Variants in SLC8A1 observed in about 807,000 individuals in gnomAD.
The protein encoded by SLC8A1 is sodium/calcium exchanger 1.
In SLC8A1, 18 loss-of-function variants were observed where a neutral mutation model predicts 68.3. That is an observed-to-expected ratio of 0.26 (90% CI 0.18 to 0.39). SLC8A1 has a LOEUF of 0.39. Among genes scored for constraint, SLC8A1 ranks in the 10% least tolerant of loss-of-function variants. The pLI, the probability that SLC8A1 is intolerant of heterozygous loss-of-function variation, is 1.00. For synonymous variants in SLC8A1, 475 were observed against 415.5 expected (o/e 1.14, Z -1.74); for missense variants, 985 against 1,156.7 (o/e 0.85, Z 2.15).
chr2:40,243,933 G>A (rs1331251515), intron 2 of SLC8A1, among the ~76,000 whole-genome samples: 1 of 152,130 alleles, frequency 6.6e-6, no homozygotes, highest in Non-Finnish European at 1.5e-5. Flanking sequence ...CTGGAGCAAC[G>A]TAAGAGGAAA....
chr2:40,344,276 T>G (rs1266943633), intron 2 of SLC8A1, among the ~76,000 whole-genome samples: 1 of 152,210 alleles, frequency 6.6e-6, no homozygotes, highest in Non-Finnish European at 1.5e-5. Context: ...TCTGCTGATT[T>G]CATGCACTAT....
chr2:40,172,182 C>T (rs1417209937), intron 4 of SLC8A1, among the ~76,000 whole-genome samples: 1 of 152,128 alleles, frequency 6.6e-6, no homozygotes, highest in Non-Finnish European at 1.5e-5. Context: ...TCGCTGTAGA[C>T]CTAAGTTTTA....
chr2:40,415,556 G>A (rs1438324257), intron 2 of SLC8A1, among the ~76,000 whole-genome samples: 1 of 151,994 alleles, frequency 6.6e-6, no homozygotes, highest in African/African-American at 2.4e-5. Flanking sequence ...CTCCATTCCA[G>A]CAGGCATGTT....
At chr2:40,326,726 C>T (rs546344072) in intron 2 of SLC8A1, among the ~76,000 whole-genome samples, 1 of 152,202 alleles carries the variant, frequency 6.6e-6, no homozygotes. Context: ...TGGTTCTTGA[C>T]AGCCTAGTAA....
intron 2 of SLC8A1, among the ~76,000 whole-genome samples, chr2:40,391,180 T>TATATATATTACACACACAC (rs1210350719): frequency 2.5e-5 from 2 of 78,680 alleles, no homozygotes; most frequent in African/African-American, 1.4e-4. Context: ...GATGCGTGTG[T>TATATATATTACACACACAC]GTATATATAT....
In SLC8A1 at chr2:40,160,746, T is replaced by C; in HGVS notation, c.2161+19A>G. The C allele has an allele frequency of 6.2e-7, 1 of 1,605,310 alleles. No individual in the cohort carries two copies. Among genetic ancestry groups the C allele is most frequent in the Non-Finnish European group, 8.5e-7 (1 of 1,172,132 alleles). On this transcript the variant is annotated intron_variant, in intron 6 of 7. Coordinates refer to ENST00000406785, the Ensembl canonical transcript of SLC8A1. Reference sequence around the variant, plus strand: ...GATTGGGCAATTTTAATTTATAATATGCAGAGAAAGGCACTCACCAGCACT... The same window carrying C: ...GATTGGGCAATTTTAATTTATAATACGCAGAGAAAGGCACTCACCAGCACT...
At chr2:40,253,830 C>G (rs1204551236) in intron 2 of SLC8A1, among the ~76,000 whole-genome samples, 26 of 48,138 alleles carry the variant, frequency 5.4e-4, no homozygotes, top group African/African-American at 2.3e-3. Context: ...CTGTCTGTCT[C>G]CAAAAAAAAA....
At chr2:40,174,136 C>T (rs1020286129) in intron 4 of SLC8A1, among the ~76,000 whole-genome samples, 4 of 151,858 alleles carry the variant, frequency 2.6e-5, no homozygotes, top group African/African-American at 9.7e-5. Flanking sequence ...AACCTAAGTC[C>T]CCAGAGAAAC....
chr2:40,333,450 A>G (rs2076642943), intron 2 of SLC8A1, among the ~76,000 whole-genome samples: 3 of 150,908 alleles, frequency 2.0e-5, no homozygotes, highest in Non-Finnish European at 4.4e-5. Flanking sequence ...AAAAAAAAAA[A>G]AAAGAAAAGA....
At chr2:40,133,052 T>C (rs1009527957) in intron 7 of SLC8A1, among the ~76,000 whole-genome samples, 3 of 152,218 alleles carry the variant, frequency 2.0e-5, no homozygotes, top group Non-Finnish European at 4.4e-5. Context: ...ATCCATGCTG[T>C]TACTTAATCT....
At chr2:40,177,612 T>C (rs1347330017) in intron 3 of SLC8A1, 2 of 539,632 alleles carry the variant, frequency 3.7e-6, no homozygotes, top group Non-Finnish European at 6.6e-6. Flanking sequence ...GGAAGGGAAA[T>C]GAAATTGCTA....
chr2:40,170,896 C>G (rs1327304830), intron 4 of SLC8A1, among the ~76,000 whole-genome samples: 1 of 152,140 alleles, frequency 6.6e-6, no homozygotes, highest in African/African-American at 2.4e-5. Flanking sequence ...ATAGTACCTG[C>G]TCTGTCTAAG....
At chr2:40,386,093 G>C (rs1441720752) in intron 2 of SLC8A1, among the ~76,000 whole-genome samples, 2 of 151,206 alleles carry the variant, frequency 1.3e-5, no homozygotes, top group Non-Finnish European at 2.9e-5. Context: ...ATATCTGATA[G>C]CATGGAGTAT....
At chr2:40,114,988 G>C (rs1028817074) in exon 8 of SLC8A1, 3 of 217,832 alleles carry the variant, frequency 1.4e-5, no homozygotes, top group African/African-American at 6.9e-5. Context: ...AAAGCCTTAA[G>C]GATTTATCAA....
intron 2 of SLC8A1, among the ~76,000 whole-genome samples, chr2:40,393,016 C>T (rs906288855): frequency 6.6e-6 from 1 of 151,972 alleles, no homozygotes; most frequent in Non-Finnish European, 1.5e-5. Context: ...GAAATGTTGT[C>T]AAATCAATAG....
At chr2:40,306,823 G>T (rs1304123581) in intron 2 of SLC8A1, among the ~76,000 whole-genome samples, 1 of 152,136 alleles carries the variant, frequency 6.6e-6, no homozygotes, top group Non-Finnish European at 1.5e-5. Context: ...TTCCTATCCA[G>T]GGAATGGGGA....
chr2:40,118,300 C>T (rs1317971487), intron 7 of SLC8A1: 1 of 152,404 alleles, frequency 6.6e-6, no homozygotes, highest in Non-Finnish European at 1.5e-5. Flanking sequence ...TGAAGTTTGT[C>T]TTTCCTCTTA....
At chr2:40,430,422 C>T (rs897541102) in intron 1 of SLC8A1, 118 bp from the exon 2 acceptor site, 6 of 1,036,940 alleles carry the variant, frequency 5.8e-6, no homozygotes, top group Non-Finnish European at 8.1e-6. Context: ...TATATTTGAC[C>T]ATCACAAAAC....
Position 40,112,067 on chromosome 2 carries a change from C to T in SLC8A1, c.*3186G>A, listed in dbSNP as rs538634124. ...CATTAAAAAGAGAACATTGCATGAC[C>T]GAAGGGTTGACGTTTGCAAGAGTTT... On this transcript the variant is annotated 3_prime_UTR_variant, in exon 8 of 8. Coordinates refer to ENST00000406785, the Ensembl canonical transcript of SLC8A1. The T allele has an allele frequency of 1.3e-3, 205 of 152,300 alleles. 1 individual carries two copies. The highest frequency in any genetic ancestry group is 4.7e-3 in the African/African-American group (197 of 41,506). 9.4% of individuals were successfully genotyped at this position (152,300 alleles called of 1,614,324 possible).
Sources: allele counts gnomAD v4.1 joint callset (sites outside exome capture counted in the v4.1 genomes callset), GRCh38; gene constraint gnomAD v4.1.1; transcripts MANE v1.5; gene names NCBI Gene and HGNC (gene_info 2026-07-23, HGNC 2026-07-21).